Variants in CPSF4L observed in about 807,000 individuals in gnomAD.
The protein encoded by CPSF4L is cleavage and polyadenylation specific factor 4 like.
A neutral mutation model predicts 24.0 loss-of-function variants in CPSF4L; 18 were observed. That is an observed-to-expected ratio of 0.75 (90% CI 0.52 to 1.11). CPSF4L has a LOEUF of 1.11. Among genes scored for constraint, CPSF4L ranks in the 50% least tolerant of loss-of-function variants. The pLI is 0.00. For synonymous variants in CPSF4L, 72 were observed against 77.2 expected (o/e 0.93, Z 0.35); for missense variants, 211 against 221.8 (o/e 0.95, Z 0.31).
At chr17:73,259,870 C>T (rs1480013005) in intron 2 of CPSF4L, among the ~76,000 whole-genome samples, 1 of 152,152 alleles carries the variant, frequency 6.6e-6, no homozygotes, top group Non-Finnish European at 1.5e-5. Context: ...ATTTCTTAAC[C>T]TAAATGTATA....
rs2062042830 is a variant in CPSF4L, at chr17:73,260,990, G to T, written c.104-7C>A. The T allele has an allele frequency of 1.3e-6, 2 of 1,549,474 alleles. No homozygotes were observed. The highest frequency in any genetic ancestry group is 1.7e-6 in the Non-Finnish European group (2 of 1,145,632). ...CACACAGCTGAGGCCGACTCTGGAA[G>T]GAGAAGAGGGAACGGAGAAGGTAGC... On this transcript the variant is annotated splice_polypyrimidine_tract_variant and splice_region_variant and intron_variant, in intron 1 of 5. Transcript: ENST00000344935.
chr17:73,244,066 G>T (rs2061900871), downstream of CPSF4L, among the ~76,000 whole-genome samples: 1 of 152,160 alleles, frequency 6.6e-6, no homozygotes. Context: ...AAAACAAAGT[G>T]CCATTCTCCA....
At chr17:73,247,332 T>C, downstream of CPSF4L, 2 of 1,614,118 alleles carry the variant, frequency 1.2e-6, no homozygotes, top group Admixed American at 1.7e-5. Flanking sequence ...CTAAAACATG[T>C]TTGGATTAGG....
In CPSF4L at chr17:73,248,468, G is replaced by A; in HGVS notation, c.*26C>T. The A allele has an allele frequency of 6.4e-7, 1 of 1,550,642 alleles. No homozygotes were observed. The highest frequency in any genetic ancestry group is 8.7e-7 in the Non-Finnish European group (1 of 1,146,038). On this transcript the variant is annotated 3_prime_UTR_variant, in exon 6 of 6. Coordinates refer to ENST00000344935, the MANE Select transcript of CPSF4L (RefSeq NM_001129885.1). ...GTTCTGCCCTGTCTGTGGCATTGGAGTGCCCCGCTAGGTAAGAAGCAACGC... is the reference window on the plus strand; with the variant it reads ...GTTCTGCCCTGTCTGTGGCATTGGAATGCCCCGCTAGGTAAGAAGCAACGC...
At chr17:73,247,384 G>A, downstream of CPSF4L, 3 of 1,593,086 alleles carry the variant, frequency 1.9e-6, no homozygotes, top group African/African-American at 1.3e-5. Flanking sequence ...CTTCTCTCTA[G>A]TGCCTTCGTG....
At chr17:73,251,223 G>A in intron 5 of CPSF4L, 4 of 1,202,564 alleles carry the variant, frequency 3.3e-6, no homozygotes, top group Non-Finnish European at 4.4e-6. Flanking sequence ...GGTTCAAGAT[G>A]CCTTTAGTTA....
chr17:73,242,170 C>A, the CPSF4L span: 2 of 954,394 alleles, frequency 2.1e-6, no homozygotes, highest in South Asian at 1.6e-5. Context: ...AGCCGTGGAT[C>A]CTTCGGCACT....
At chr17:73,248,190 T>C, downstream of CPSF4L, 1 of 355,570 alleles carries the variant, frequency 2.8e-6, no homozygotes, top group Non-Finnish European at 5.2e-6. Context: ...GCACAGCCAG[T>C]TCCAATCATG....
intron 5 of CPSF4L, 27 bp from the exon 6 acceptor site, chr17:73,248,563 G>T (rs12885): frequency 0.14 from 221,602 of 1,549,858 alleles, 17,806 homozygotes; most frequent in Admixed American, 0.23. Flanking sequence ...AATGCAGCGT[G>T]AGAATCCATA....
the CPSF4L span, chr17:73,242,162 C>G: frequency 1.2e-6 from 1 of 850,928 alleles, no homozygotes; most frequent in East Asian, 2.7e-5. Flanking sequence ...TGAGGCTTAG[C>G]CGTGGATCCT....
downstream of CPSF4L, chr17:73,245,172 G>A (rs1300145516): frequency 6.2e-7 from 1 of 1,613,698 alleles, no homozygotes; most frequent in Admixed American, 1.7e-5. Context: ...CCAAAGAGCT[G>A]CAGCGGTGGC....
At chr17:73,255,628 G>T (rs2062022192) in intron 3 of CPSF4L, among the ~76,000 whole-genome samples, 1 of 152,056 alleles carries the variant, frequency 6.6e-6, no homozygotes, top group Admixed American at 6.6e-5. Flanking sequence ...AGGGGAAAAG[G>T]CCACATCCAT....
At chr17:73,243,010 C>T in the CPSF4L span, 3 of 1,602,672 alleles carry the variant, frequency 1.9e-6, no homozygotes, top group Admixed American at 3.4e-5. Context: ...CTGAGTAAGT[C>T]TTTCTATATT....
rs1199146744 is a variant in CPSF4L, at chr17:73,256,116, G to T, written c.307+1565C>A. Among the ~76,000 whole-genome samples, 9 of 152,320 alleles carry T rather than the reference G, an allele frequency of 5.9e-5. No homozygotes were observed. The South Asian group carries it at 1.7e-3, about 28-fold the overall frequency. On this transcript the variant is annotated intron_variant, in intron 3 of 5. Transcript: ENST00000344935. The stretch of plus-strand genomic sequence containing the variant: ...CTCTACTAATTGGAGTTATCTGGGG[G>T]CGGAGGGGGACCTGGTCCTGTTCCT...
At chr17:73,258,364 G>A (rs2062031714) in intron 2 of CPSF4L, among the ~76,000 whole-genome samples, 1 of 151,882 alleles carries the variant, frequency 6.6e-6, no homozygotes, top group Non-Finnish European at 1.5e-5. Context: ...AGAGAGCAAT[G>A]GCACGGTCTC....
the CPSF4L span, chr17:73,242,870 A>G: frequency 6.3e-7 from 1 of 1,592,794 alleles, no homozygotes; most frequent in Non-Finnish European, 8.6e-7. Context: ...TTGCTGTAAC[A>G]ACAAGCCGTG....
At chr17:73,263,268 T>A (rs1328379321), upstream of CPSF4L, among the ~76,000 whole-genome samples, 1 of 152,012 alleles carries the variant, frequency 6.6e-6, no homozygotes, top group Admixed American at 6.6e-5. Flanking sequence ...GACCACATGG[T>A]TTGGGAGGCG....
At chr17:73,254,850 G>A (rs1188401620) in intron 3 of CPSF4L, among the ~76,000 whole-genome samples, 2 of 152,054 alleles carry the variant, frequency 1.3e-5, no homozygotes, top group Non-Finnish European at 2.9e-5. Flanking sequence ...CACCATGTTG[G>A]CCAGGCTGGT....
At chr17:73,246,034 A>C (rs534588700), downstream of CPSF4L, among the ~76,000 whole-genome samples, 17 of 152,222 alleles carry the variant, frequency 1.1e-4, no homozygotes, top group Admixed American at 1.1e-3. Flanking sequence ...GCTTTGGCCC[A>C]CAGAGAGTAA....
Sources: gnomAD v4.1 joint callset for allele counts (sites outside exome capture counted in the v4.1 genomes callset) on GRCh38, gnomAD v4.1.1 for gene constraint, MANE v1.5 for transcripts, NCBI Gene and HGNC (gene_info 2026-07-23, HGNC 2026-07-21) for gene names.